CLRN3: variants seen among roughly 807,000 people sequenced by gnomAD.
CLRN3 encodes the protein clarin-3.
In CLRN3, 12 loss-of-function variants were observed where a neutral mutation model predicts 16.7. That is an observed-to-expected ratio of 0.72 (90% CI 0.46 to 1.16). The LOEUF is 1.16. Ranked by LOEUF, CLRN3 falls within the 50% of genes most tolerant of loss-of-function variation. CLRN3 has a pLI of 0.00. For synonymous variants in CLRN3, 118 were observed against 113.0 expected (o/e 1.04, Z -0.28); for missense variants, 296 against 274.2 (o/e 1.08, Z -0.56).
At chr10:127,891,829 A>G (rs996753759) in intron 1 of CLRN3, among the ~76,000 whole-genome samples, 2 of 152,252 alleles carry the variant, frequency 1.3e-5, no homozygotes, top group Non-Finnish European at 2.9e-5. Flanking sequence ...TGTTCAAAAC[A>G]AAGTCCACTT....
intron 1 of CLRN3, among the ~76,000 whole-genome samples, chr10:127,888,623 T>C (rs541381015): frequency 1.3e-5 from 2 of 152,280 alleles, no homozygotes; most frequent in Admixed American, 1.3e-4. Flanking sequence ...GGAAAGAGAC[T>C]AGCGGGTGGG....
At chr10:127,881,853 C>T (rs968419441) in intron 2 of CLRN3, among the ~76,000 whole-genome samples, 12 of 152,218 alleles carry the variant, frequency 7.9e-5, no homozygotes, top group African/African-American at 2.4e-4. Context: ...ATGGAGTCAA[C>T]GCTGAGGATT....
intron 2 of CLRN3, among the ~76,000 whole-genome samples, chr10:127,883,270 A>ATGTGTGTG (rs5788877): frequency 6.6e-6 from 1 of 151,156 alleles, no homozygotes; most frequent in South Asian, 2.1e-4. Context: ...TGGTGTGTTC[A>ATGTGTGTG]TGTGTGTGTG....
chr10:127,888,024 C>T lies in CLRN3; in HGVS notation c.230-4149G>A, dbSNP rs150617241. On this transcript the variant is annotated intron_variant, in intron 1 of 2. Transcript: ENST00000368671. Reference sequence around the variant, plus strand: ...GAGCCATCCGGACATCTGGGCTCCCCATGCAGGAAAATGTAACCCTTCAGG... The same window carrying T: ...GAGCCATCCGGACATCTGGGCTCCCTATGCAGGAAAATGTAACCCTTCAGG... 1.6e-3 allele frequency among the ~76,000 whole-genome samples: 250 copies of T among 152,338 alleles called. 3 individuals carry two copies. Among genetic ancestry groups the T allele is most frequent in the African/African-American group, 5.7e-3 (236 of 41,582 alleles).
intron 1 of CLRN3, among the ~76,000 whole-genome samples, chr10:127,890,224 A>G (rs1237181448): frequency 1.3e-5 from 2 of 152,188 alleles, no homozygotes; most frequent in South Asian, 2.1e-4. Context: ...CTTTGGGAGT[A>G]GCAAAGACAA....
At chr10:127,883,660 T>A (rs971085520) in intron 2 of CLRN3, 36 bp downstream of exon 2, 8 of 1,486,908 alleles carry the variant, frequency 5.4e-6, no homozygotes, top group Non-Finnish European at 7.5e-6. Context: ...GGGATGCAGT[T>A]TTCTGCAGAG....
chr10:127,884,501 G>T (rs1209818056), intron 1 of CLRN3, among the ~76,000 whole-genome samples: 1 of 152,262 alleles, frequency 6.6e-6, no homozygotes, highest in Non-Finnish European at 1.5e-5. Flanking sequence ...TGGGGCCAGA[G>T]AGGACCAGAT....
At chr10:127,889,283 C>T (rs1845232083) in intron 1 of CLRN3, among the ~76,000 whole-genome samples, 1 of 152,164 alleles carries the variant, frequency 6.6e-6, no homozygotes, top group East Asian at 1.9e-4. Context: ...GATCACACCA[C>T]TGCACTCCAG....
intron 1 of CLRN3, 24 bp from the exon 2 acceptor site, chr10:127,883,899 A>G (rs1344322726): frequency 7.5e-6 from 12 of 1,606,676 alleles, no homozygotes; most frequent in African/African-American, 1.3e-5. Flanking sequence ...TTGTGAGTGC[A>G]TAGCACATAA....
intron 1 of CLRN3, among the ~76,000 whole-genome samples, chr10:127,888,706 C>T (rs1051489876): frequency 7.9e-5 from 12 of 152,276 alleles, no homozygotes; most frequent in Admixed American, 2.6e-4. Context: ...CAAAGACCAG[C>T]CGGGAGCTGA....
chr10:127,889,314 G>A (rs1422804830), intron 1 of CLRN3, among the ~76,000 whole-genome samples: 1 of 151,998 alleles, frequency 6.6e-6, no homozygotes, highest in Non-Finnish European at 1.5e-5. Context: ...AAAGCAAGAC[G>A]CTGTCTCAAA....
At chr10:127,882,219 A>C (rs1845135916) in intron 2 of CLRN3, among the ~76,000 whole-genome samples, 1 of 149,086 alleles carries the variant, frequency 6.7e-6, no homozygotes, top group African/African-American at 2.5e-5. Flanking sequence ...CTGCCCATTA[A>C]ATTGGGGGAT....
intron 2 of CLRN3, among the ~76,000 whole-genome samples, chr10:127,879,667 T>C (rs1011855823): frequency 3.9e-5 from 6 of 152,150 alleles, no homozygotes; most frequent in African/African-American, 1.4e-4. Flanking sequence ...TTCAAGGTGA[T>C]CAAAATATTC....
intron 2 of CLRN3, among the ~76,000 whole-genome samples, chr10:127,883,311 T>C (rs1157077581): frequency 6.6e-6 from 1 of 152,174 alleles, no homozygotes; most frequent in East Asian, 1.9e-4. Context: ...TGTGCATGCG[T>C]GTGCATGTGT....
At chr10:127,879,352 C>T (rs967051380) in intron 2 of CLRN3, among the ~76,000 whole-genome samples, 4 of 152,132 alleles carry the variant, frequency 2.6e-5, no homozygotes, top group African/African-American at 7.2e-5. Flanking sequence ...CCACCTGCCT[C>T]GGCCTCCAAA....
rs1845275215 is a variant in CLRN3, at chr10:127,892,865, G to A, written c.-81C>T. 3 of 817,464 alleles carry A rather than the reference G, an allele frequency of 3.7e-6. No individual in the cohort carries two copies. The highest frequency in any genetic ancestry group is 4.0e-6 in the Non-Finnish European group (2 of 497,338). The allele number at this position is 817,464 out of a possible 1,614,324, so 50.6% of individuals were successfully genotyped here. A position where few individuals can be genotyped will look rare whatever the true frequency, so the allele number is the denominator to read the frequency against. On this transcript the variant is annotated 5_prime_UTR_variant, in exon 1 of 3. Coordinates refer to ENST00000368671, the MANE Select transcript of CLRN3 (RefSeq NM_152311.5). The stretch of plus-strand genomic sequence containing the variant: ...TTTTGAACCTTATCTTTTGAAGTCT[G>A]GTATTTAGAAATGGAGTCTAACACT...
intron 2 of CLRN3, among the ~76,000 whole-genome samples, chr10:127,879,574 A>AG (rs1270150549): frequency 6.6e-6 from 1 of 151,906 alleles, no homozygotes. Flanking sequence ...ACAAAAAAAA[A>AG]AATGTAGATT....
Position 127,878,354 on chromosome 10 carries a change from T to A in CLRN3, c.476A>T (p.Glu159Val). Reference sequence around the variant, plus strand: ...TGCCGGGTAAAGCATTTGGAACAACTCTTCGGAGAGTTGGTTGGACTGCGT... The same window carrying A: ...TGCCGGGTAAAGCATTTGGAACAACACTTCGGAGAGTTGGTTGGACTGCGT... ...ANTQSNQLSE[E>V]LFQMLYPATT... The change falls in exon 3 of 3, where the codon GAG (glutamate) becomes GTG (valine). Residue 159 changes from glutamate (E) to valine (V), a missense_variant. Transcript: ENST00000368671. The A allele has an allele frequency of 6.2e-7, 1 of 1,614,184 alleles. No homozygotes were observed. Among genetic ancestry groups the A allele is most frequent in the Non-Finnish European group, 8.5e-7 (1 of 1,180,030 alleles).
chr10:127,889,720 G>A (rs1464198715), intron 1 of CLRN3, among the ~76,000 whole-genome samples: 5 of 152,240 alleles, frequency 3.3e-5, no homozygotes, highest in Non-Finnish European at 7.3e-5. Flanking sequence ...TGCGTAGGCT[G>A]AGTAATATTT....
Sources: allele counts gnomAD v4.1 joint callset (sites outside exome capture counted in the v4.1 genomes callset), GRCh38; gene constraint gnomAD v4.1.1; transcripts MANE v1.5; gene names NCBI Gene and HGNC (gene_info 2026-07-23, HGNC 2026-07-21).